The following TYW1 variants were observed in gnomAD, a reference collection of about 807,000 sequenced individuals.
TYW1 encodes tRNA-yW synthesizing protein 1 homolog, also known as S-adenosyl-L-methionine-dependent tRNA 4-demethylwyosine synthase TYW1.
A neutral mutation model predicts 96.2 loss-of-function variants in TYW1; 46 were observed. That is an observed-to-expected ratio of 0.48 (90% CI 0.38 to 0.61). TYW1 has a LOEUF of 0.61. TYW1 is among the 20% of genes least tolerant of loss of function. The pLI is 0.00. For missense variants in TYW1, 684 were observed against 909.6 expected (o/e 0.75, Z 3.19); for synonymous variants, 274 against 323.0 (o/e 0.85, Z 1.63).
At chr7:67,159,689 T>C (rs552147675) in intron 13 of TYW1, among the ~76,000 whole-genome samples, 8 of 152,212 alleles carry the variant, frequency 5.3e-5, no homozygotes, top group Non-Finnish European at 1.0e-4. Flanking sequence ...CTAGCTTCTT[T>C]AGTAGCATTA....
intron 11 of TYW1, chr7:67,089,291 C>T (rs1796641827): frequency 5.0e-6 from 7 of 1,388,470 alleles, no homozygotes; most frequent in South Asian, 2.4e-5. Flanking sequence ...CTCCTTGTCC[C>T]CTCGGGACCC....
At chr7:67,146,865 A>G (rs922177319) in intron 13 of TYW1, among the ~76,000 whole-genome samples, 1 of 151,974 alleles carries the variant, frequency 6.6e-6, no homozygotes, top group Non-Finnish European at 1.5e-5. Context: ...GACATTCAAC[A>G]GATGACTTTC....
At chr7:67,084,389 T>C (rs190610661) in intron 11 of TYW1, among the ~76,000 whole-genome samples, 9 of 152,364 alleles carry the variant, frequency 5.9e-5, no homozygotes, top group Non-Finnish European at 2.9e-5. Flanking sequence ...AAATATTGAC[T>C]TCACTGGAGG....
At chr7:67,013,425 C>T (rs1793886666) in intron 4 of TYW1, among the ~76,000 whole-genome samples, 1 of 152,036 alleles carries the variant, frequency 6.6e-6, no homozygotes, top group South Asian at 2.1e-4. Context: ...GCCCAGCCAA[C>T]ATCCACTGCC....
chr7:67,059,116 T>G (rs1219458159), intron 9 of TYW1, among the ~76,000 whole-genome samples: 1 of 150,872 alleles, frequency 6.6e-6, no homozygotes, highest in East Asian at 1.9e-4. Flanking sequence ...TTTTTTTTTT[T>G]TGAGACAGGG....
chr7:67,147,384 C>T (rs528962843), intron 13 of TYW1, among the ~76,000 whole-genome samples: 1 of 152,058 alleles, frequency 6.6e-6, no homozygotes, highest in East Asian at 1.9e-4. Context: ...CCCCACAGAT[C>T]ATATATTGCT....
At chr7:67,093,132 C>A (rs1796779096) in intron 11 of TYW1, among the ~76,000 whole-genome samples, 1 of 152,130 alleles carries the variant, frequency 6.6e-6, no homozygotes, top group South Asian at 2.1e-4. Context: ...CATCACTGCA[C>A]TCCAGCCTGG....
intron 13 of TYW1, among the ~76,000 whole-genome samples, chr7:67,157,517 A>G (rs13227223): frequency 4.6e-4 from 70 of 152,322 alleles, no homozygotes; most frequent in African/African-American, 1.5e-3. Flanking sequence ...AACTCCTGAC[A>G]TCAGGTGATC....
At chr7:67,012,355 A>T (rs776453076) in intron 4 of TYW1, among the ~76,000 whole-genome samples, 1 of 152,110 alleles carries the variant, frequency 6.6e-6, no homozygotes, top group Non-Finnish European at 1.5e-5. Flanking sequence ...CTCAAAAAAA[A>T]ACCGCAAAAA....
At chr7:67,058,883 G>T (rs900738030) in intron 9 of TYW1, among the ~76,000 whole-genome samples, 3 of 152,022 alleles carry the variant, frequency 2.0e-5, no homozygotes, top group African/African-American at 4.8e-5. Flanking sequence ...TGCCAATATG[G>T]ATATCCAGTT....
intron 8 of TYW1, 79 bp downstream of exon 8, chr7:67,050,145 C>T: frequency 6.6e-7 from 1 of 1,509,032 alleles, no homozygotes; most frequent in Middle Eastern, 1.8e-4. Flanking sequence ...AAGTCTCTCT[C>T]TAATTAGCTC....
chr7:67,053,118 G>A (rs554727208), intron 8 of TYW1, among the ~76,000 whole-genome samples: 269 of 142,908 alleles, frequency 1.9e-3, no homozygotes, highest in African/African-American at 6.7e-3. Context: ...ACAAGGTTAA[G>A]TTACTTGGAA....
chr7:67,169,183 A>G lies in TYW1; in HGVS notation c.1699-13943A>G, dbSNP rs189667494. On this transcript the variant is annotated intron_variant, in intron 13 of 15. Transcript: ENST00000359626. The stretch of plus-strand genomic sequence containing the variant: ...TACTTTTTAACATCTTGTACATAGT[A>G]AATTATAGATGTTCATCCTTTCCAT... 5.9e-5 allele frequency among the ~76,000 whole-genome samples: 9 copies of G among 152,238 alleles called. No homozygotes were observed. The East Asian group carries it at 1.7e-3, about 29-fold the overall frequency.
Position 67,067,346 on chromosome 7 carries a change from G to A in TYW1, c.1217G>A (p.Arg406His), listed in dbSNP as rs1795896912. ...ACATTCTATGGAATTGAGAGCCATC[G>A]CTGCATGGAAACCACCCCGAGCTTG... Reference protein sequence around the residue: ...KHTFYGIESHRCMETTPSLAC... With the variant: ...KHTFYGIESHHCMETTPSLAC... The change falls in exon 10 of 16, where the codon CGC becomes CAC. Residue 406 changes from arginine to histidine, a missense_variant. Arg to His is a conservative substitution (Grantham distance 29). Transcript: ENST00000359626. The A allele has an allele frequency of 3.1e-6, 5 of 1,613,974 alleles. No homozygotes were observed. The highest frequency in any genetic ancestry group is 2.7e-5 in the African/African-American group (2 of 75,040).
chr7:67,083,684 T>C, intron 11 of TYW1, 145 bp downstream of exon 11: 1 of 911,262 alleles, frequency 1.1e-6, no homozygotes, highest in Non-Finnish European at 1.6e-6. Context: ...GAATATTATA[T>C]ATATTTTGCC....
intron 13 of TYW1, among the ~76,000 whole-genome samples, chr7:67,165,470 A>G (rs2116236318): frequency 6.6e-6 from 1 of 151,356 alleles, no homozygotes; most frequent in Middle Eastern, 3.4e-3. Context: ...AATATAACCA[A>G]TTCCGTGTAA....
At chr7:67,024,589 T>C (rs1794386230) in intron 6 of TYW1, among the ~76,000 whole-genome samples, 1 of 151,994 alleles carries the variant, frequency 6.6e-6, no homozygotes, top group Non-Finnish European at 1.5e-5. Flanking sequence ...GAGACCAGCC[T>C]GGCCAACATG....
At chr7:67,106,409 T>C (rs1215932276) in intron 12 of TYW1, among the ~76,000 whole-genome samples, 1 of 152,076 alleles carries the variant, frequency 6.6e-6, no homozygotes, top group African/African-American at 2.4e-5. Context: ...ATTGCTGCGA[T>C]GGAAGACTCC....
intron 7 of TYW1, among the ~76,000 whole-genome samples, chr7:67,030,866 A>G (rs1053607707): frequency 2.6e-5 from 4 of 152,070 alleles, no homozygotes; most frequent in Non-Finnish European, 5.9e-5. Context: ...AGCTTCAAAA[A>G]GATGAATGAA....
Sources: allele counts gnomAD v4.1 joint callset (sites outside exome capture counted in the v4.1 genomes callset), GRCh38; gene constraint gnomAD v4.1.1; transcripts MANE v1.5; gene names NCBI Gene and HGNC (gene_info 2026-07-23, HGNC 2026-07-21).